BNC2: variants seen among roughly 807,000 people sequenced by gnomAD.
BNC2 encodes zinc finger protein basonuclin-2.
In BNC2, 20 loss-of-function variants were observed where a neutral mutation model predicts 76.3. The ratio of observed to expected loss-of-function variants is 0.26; its 90% CI spans 0.18 to 0.38. BNC2 has a LOEUF of 0.38. BNC2 is among the 10% of genes least tolerant of loss of function. The pLI is 1.00. For synonymous variants in BNC2, 582 were observed against 514.8 expected, an observed-to-expected ratio of 1.13 and a Z score of -1.77; for missense variants, 1,382 against 1,399.8, an observed-to-expected ratio of 0.99 and a Z score of 0.20.
intron 3 of BNC2, among the ~76,000 whole-genome samples, chr9:16,703,255 AT>A (rs1388774967): frequency 2.0e-5 from 3 of 152,178 alleles, no homozygotes; most frequent in African/African-American, 7.2e-5. Flanking sequence ...TAATTGACAG[AT>A]TTTTCTCCTA....
chr9:16,659,072 G>A (rs1489440942), intron 3 of BNC2, among the ~76,000 whole-genome samples: 3 of 151,962 alleles, frequency 2.0e-5, no homozygotes, highest in Admixed American at 6.6e-5. Context: ...CTTAAGAGAG[G>A]TACTCAATAA....
chr9:16,603,186 G>A (rs1244305571), intron 3 of BNC2, among the ~76,000 whole-genome samples: 1 of 152,158 alleles, frequency 6.6e-6, no homozygotes, highest in African/African-American at 2.4e-5. Flanking sequence ...AATGAAGTCA[G>A]GCACTGCAAA....
At chr9:16,733,380 A>G (rs942546017) in intron 2 of BNC2, among the ~76,000 whole-genome samples, 34 of 152,202 alleles carry the variant, frequency 2.2e-4, no homozygotes, top group African/African-American at 7.5e-4. Flanking sequence ...AGTTAAGGGG[A>G]AAAAATTTTT....
In BNC2 at chr9:16,727,794, T is replaced by C; in HGVS notation, c.330+3A>G. 2 of 1,611,608 alleles carry C rather than the reference T, an allele frequency of 1.2e-6. No homozygotes were observed. Among genetic ancestry groups the C allele is most frequent in the Non-Finnish European group, 1.7e-6 (2 of 1,178,834 alleles). ...AAAAAAATCAAGAAAGAAAGTAACT[T>C]ACCTGTTGGGACATTCTGAATAAGA... On this transcript the variant is annotated splice_donor_region_variant and intron_variant, in intron 3 of 6. Transcript: ENST00000380672.
At chr9:16,557,220 C>A (rs1051686869) in intron 4 of BNC2, among the ~76,000 whole-genome samples, 6 of 152,092 alleles carry the variant, frequency 3.9e-5, no homozygotes, top group Admixed American at 2.0e-4. Flanking sequence ...ATTTTCAGGC[C>A]AGGCACCGTG....
intron 3 of BNC2, among the ~76,000 whole-genome samples, chr9:16,629,590 G>A (rs1033575567): frequency 1.3e-5 from 2 of 152,084 alleles, no homozygotes; most frequent in Admixed American, 6.6e-5. Context: ...AAGAGTAAAG[G>A]ATGAGCATCT....
intron 3 of BNC2, among the ~76,000 whole-genome samples, chr9:16,699,837 A>G (rs1284582223): frequency 6.6e-6 from 1 of 152,246 alleles, no homozygotes; most frequent in Non-Finnish European, 1.5e-5. Context: ...TATATTCATG[A>G]AAGAGACATA....
chr9:16,849,250 T>C (rs7039999), intron 1 of BNC2, among the ~76,000 whole-genome samples: 148,499 of 152,148 alleles, frequency 0.98, 72,551 homozygotes, highest in Middle Eastern at 1. Context: ...AATCTATAAA[T>C]TTTCTAGAGT....
chr9:16,670,433 GC>G (rs1377253731), intron 3 of BNC2, among the ~76,000 whole-genome samples: 3 of 152,086 alleles, frequency 2.0e-5, no homozygotes, highest in Non-Finnish European at 4.4e-5. Flanking sequence ...TCCCACCTCT[GC>G]CTCCCAAAGT....
chr9:16,831,501 C>T (rs554507681), intron 1 of BNC2, among the ~76,000 whole-genome samples: 4 of 152,146 alleles, frequency 2.6e-5, no homozygotes, highest in Admixed American at 2.0e-4. Flanking sequence ...GCAAATAATG[C>T]GTTGACTCTC....
intron 1 of BNC2, among the ~76,000 whole-genome samples, chr9:16,757,497 C>G (rs1184355488): frequency 6.6e-6 from 1 of 152,114 alleles, no homozygotes; most frequent in Non-Finnish European, 1.5e-5. Flanking sequence ...TGACAGAAAT[C>G]GAAATGTGAG....
At chr9:16,725,859 G>A (rs754586149) in intron 3 of BNC2, among the ~76,000 whole-genome samples, 3 of 152,170 alleles carry the variant, frequency 2.0e-5, no homozygotes, top group Non-Finnish European at 4.4e-5. Context: ...AAATGGGCTA[G>A]TGCCAAATAA....
chr9:16,492,378 C>A (rs972267780), intron 5 of BNC2, among the ~76,000 whole-genome samples: 1 of 152,166 alleles, frequency 6.6e-6, no homozygotes, highest in South Asian at 2.1e-4. Context: ...AAGGCCTTGG[C>A]TAATCTCAAA....
intron 5 of BNC2, among the ~76,000 whole-genome samples, chr9:16,480,705 G>A (rs368829380): frequency 1.3e-5 from 2 of 152,230 alleles, no homozygotes; most frequent in Non-Finnish European, 2.9e-5. Context: ...GCCCACTGGC[G>A]CTGTACTTGA....
At chr9:16,696,612 T>C (rs1823346290) in intron 3 of BNC2, among the ~76,000 whole-genome samples, 1 of 152,208 alleles carries the variant, frequency 6.6e-6, no homozygotes, top group African/African-American at 2.4e-5. Context: ...AACTTATTTC[T>C]CTTTGTATTT....
intron 6 of BNC2, chr9:16,429,169 G>C (rs1313181029): frequency 6.6e-6 from 1 of 152,114 alleles, no homozygotes. Flanking sequence ...GAAAAAAAAT[G>C]CTTCATGGCT....
At chr9:16,817,171 C>T (rs1294778572) in intron 1 of BNC2, among the ~76,000 whole-genome samples, 1 of 152,164 alleles carries the variant, frequency 6.6e-6, no homozygotes, top group East Asian at 1.9e-4. Context: ...GTAACAAACA[C>T]CCTTACTCAG....
chr9:16,771,329 T>C (rs1038475205), intron 1 of BNC2, among the ~76,000 whole-genome samples: 11 of 152,216 alleles, frequency 7.2e-5, no homozygotes, highest in African/African-American at 2.4e-4. Flanking sequence ...ACAAGGTTTT[T>C]AACACAAGCT....
chr9:16,535,048 A>C (rs1364432861), intron 5 of BNC2, among the ~76,000 whole-genome samples: 1 of 152,174 alleles, frequency 6.6e-6, no homozygotes, highest in Non-Finnish European at 1.5e-5. Context: ...AACTTTTGTC[A>C]CAATTGACAT....
Sources: gnomAD v4.1 joint callset for allele counts (sites outside exome capture counted in the v4.1 genomes callset) on GRCh38, gnomAD v4.1.1 for gene constraint, MANE v1.5 for transcripts, NCBI Gene and HGNC (gene_info 2026-07-23, HGNC 2026-07-21) for gene names.